The following MRAS variants were observed in gnomAD, a reference collection of about 807,000 sequenced individuals.
The protein encoded by MRAS is ras-related protein M-Ras.
In MRAS, 4 loss-of-function variants were observed where a neutral mutation model predicts 20.9. That is an observed-to-expected ratio of 0.19 (90% CI 0.09 to 0.44). The LOEUF is 0.44. Among genes scored for constraint, MRAS ranks in the 20% least tolerant of loss-of-function variants. MRAS has a pLI of 0.99. For synonymous variants in MRAS, 98 were observed against 102.9 expected, an observed-to-expected ratio of 0.95 and a Z score of 0.29; for missense variants, 154 against 277.5, an observed-to-expected ratio of 0.56 and a Z score of 3.16.
At position 138,365,307 on chromosome 3, in the gene MRAS, G is replaced by A. The variant is rs113285545; in HGVS notation, c.-18-7559G>A. ...GGTGGTTTCTGCATACCTACTCTGAGACTCAGTGCTGGGTCGCAGATGGCT... is the reference window on the plus strand; with the variant it reads ...GGTGGTTTCTGCATACCTACTCTGAAACTCAGTGCTGGGTCGCAGATGGCT... On this transcript the variant is annotated intron_variant, in intron 1 of 5. Coordinates refer to ENST00000423968, the MANE Select transcript of MRAS (RefSeq NM_001085049.3). Among the ~76,000 whole-genome samples the A allele has an allele frequency of 1.2e-4, 18 of 152,356 alleles. 1 individual carries two copies. The highest frequency in any genetic ancestry group is 4.3e-4 in the African/African-American group (18 of 41,582).
At position 138,400,620 on chromosome 3, in the gene MRAS, A is replaced by G. The variant is rs1344874105; in HGVS notation, c.527+7A>G. On this transcript the variant is annotated splice_region_variant and intron_variant, in intron 5 of 5. Coordinates refer to ENST00000423968, the MANE Select transcript of MRAS (RefSeq NM_001085049.3). ...ACCTCGTTAGAGTAATTAGGTGAGCACTGCCCTCTCCCTAGAAGCGGGCCT... is the reference window on the plus strand; with the variant it reads ...ACCTCGTTAGAGTAATTAGGTGAGCGCTGCCCTCTCCCTAGAAGCGGGCCT... 6.2e-7 allele frequency: 1 copy of G among 1,606,222 alleles called. No homozygotes were observed. The highest frequency in any genetic ancestry group is 8.5e-7 in the Non-Finnish European group (1 of 1,172,932).
At position 138,404,158 on chromosome 3, in the gene MRAS, T is replaced by A. The variant is rs1486161588; in HGVS notation, c.*1889T>A. ...ACTAAAAGGACAAAGCTCTTCCCAA[T>A]CCTTATGCTTCCCTAAGTGGTATCT... On this transcript the variant is annotated 3_prime_UTR_variant, in exon 6 of 6. Coordinates refer to ENST00000423968, the MANE Select transcript of MRAS (RefSeq NM_001085049.3). 6.6e-6 allele frequency: 1 copy of A among 152,226 alleles called. No homozygotes were observed. The highest frequency in any genetic ancestry group is 1.5e-5 in the Non-Finnish European group (1 of 68,054). The allele number at this position is 152,226 out of a possible 1,614,324, so 9.4% of individuals were successfully genotyped here.
chr3:138,370,229 G>T (rs2054646930), intron 1 of MRAS, among the ~76,000 whole-genome samples: 1 of 152,218 alleles, frequency 6.6e-6, no homozygotes, highest in Non-Finnish European at 1.5e-5. Context: ...TAAGGCAGGA[G>T]AATCTCTTGA....
chr3:138,377,081 G>A (rs1289523524), intron 2 of MRAS, among the ~76,000 whole-genome samples: 2 of 152,226 alleles, frequency 1.3e-5, no homozygotes, highest in African/African-American at 4.8e-5. Context: ...GCAGCAGGGA[G>A]AGGGGAAACA....
In MRAS at chr3:138,404,137, A is replaced by G. The variant is rs1280372008; in HGVS notation, c.*1868A>G. 6.6e-6 allele frequency: 1 copy of G among 152,240 alleles called. No homozygotes were observed. The highest frequency in any genetic ancestry group is 1.9e-4 in the East Asian group (1 of 5,200). The allele number at this position is 152,240 out of a possible 1,614,324, so 9.4% of individuals were successfully genotyped here. ...GTGTTAAGAGGTATTTTAAACACTAAAAGGACAAAGCTCTTCCCAATCCTT... is the reference window on the plus strand; with the variant it reads ...GTGTTAAGAGGTATTTTAAACACTAGAAGGACAAAGCTCTTCCCAATCCTT... On this transcript the variant is annotated 3_prime_UTR_variant, in exon 6 of 6. Coordinates refer to ENST00000423968, the MANE Select transcript of MRAS (RefSeq NM_001085049.3).
chr3:138,386,823 A>G (rs573526340), intron 2 of MRAS, among the ~76,000 whole-genome samples: 5 of 152,284 alleles, frequency 3.3e-5, no homozygotes, highest in African/African-American at 1.2e-4. Flanking sequence ...GTCAATGGAC[A>G]TTTGGGTTGT....
intron 1 of MRAS, among the ~76,000 whole-genome samples, chr3:138,371,580 A>G (rs879262144): frequency 6.6e-6 from 1 of 151,946 alleles, no homozygotes; most frequent in Admixed American, 6.6e-5. Flanking sequence ...TGCTTTTCCC[A>G]TCCCAATTTG....
At chr3:138,383,801 G>A (rs2054954146) in intron 2 of MRAS, among the ~76,000 whole-genome samples, 1 of 152,212 alleles carries the variant, frequency 6.6e-6, no homozygotes, top group Non-Finnish European at 1.5e-5. Flanking sequence ...TTTTAGTGGG[G>A]TGAGGGGACA....
chr3:138,373,084 C>G lies in MRAS; in HGVS notation c.193+8C>G, dbSNP rs201232759. ...AATGGGCCATCTTGGACGGTGAGACCTGGGTGGCAGCCCTGCATTGGGTGG... is the reference window on the plus strand; with the variant it reads ...AATGGGCCATCTTGGACGGTGAGACGTGGGTGGCAGCCCTGCATTGGGTGG... On this transcript the variant is annotated splice_region_variant and intron_variant, in intron 2 of 5. Transcript: ENST00000423968. The G allele has an allele frequency of 1.1e-5, 16 of 1,451,836 alleles. No homozygotes were observed. The African/African-American group carries it at 1.8e-4, about 16-fold the overall frequency. The allele number at this position is 1,451,836 out of a possible 1,614,324, so 89.9% of individuals were successfully genotyped here.
intron 2 of MRAS, among the ~76,000 whole-genome samples, chr3:138,396,643 G>A (rs145773616): frequency 7.6e-4 from 115 of 152,304 alleles, no homozygotes; most frequent in Admixed American, 3.1e-3. Flanking sequence ...AGTGAGGGGC[G>A]AGAGCACCTG....
chr3:138,373,901 A>G (rs995042389), intron 2 of MRAS, among the ~76,000 whole-genome samples: 62 of 150,552 alleles, frequency 4.1e-4, no homozygotes, highest in African/African-American at 1.3e-3. Flanking sequence ...TTATTTATTT[A>G]TTTGTTTATT....
At chr3:138,381,795 GT>G (rs796568640) in intron 2 of MRAS, among the ~76,000 whole-genome samples, 11 of 152,314 alleles carry the variant, frequency 7.2e-5, no homozygotes, top group African/African-American at 2.6e-4. Flanking sequence ...TCAGACACAA[GT>G]GCTGTTGTCT....
chr3:138,353,319 T>C (rs2054266045), intron 1 of MRAS, among the ~76,000 whole-genome samples: 2 of 152,100 alleles, frequency 1.3e-5, no homozygotes. Context: ...AGTACAATAG[T>C]AGACAAATAT....
chr3:138,397,519 C>T (rs376724711), intron 3 of MRAS, 42 bp downstream of exon 3: 178 of 1,608,110 alleles, frequency 1.1e-4, no homozygotes, highest in Admixed American at 5.4e-4. Context: ...AAGAGGCCTG[C>T]GCCTGCCTCC....
intron 2 of MRAS, among the ~76,000 whole-genome samples, chr3:138,384,294 C>T (rs954401005): frequency 1.3e-4 from 20 of 152,140 alleles, no homozygotes; most frequent in African/African-American, 4.6e-4. Context: ...CTCACTCTGG[C>T]TCTGGTGTGA....
At chr3:138,387,991 T>C (rs1361840831) in intron 2 of MRAS, among the ~76,000 whole-genome samples, 1 of 152,164 alleles carries the variant, frequency 6.6e-6, no homozygotes, top group Non-Finnish European at 1.5e-5. Context: ...GCCAGGGTGT[T>C]GAGGAGGTTG....
At chr3:138,352,385 C>T (rs1247029663) in intron 1 of MRAS, among the ~76,000 whole-genome samples, 2 of 152,226 alleles carry the variant, frequency 1.3e-5, no homozygotes, top group African/African-American at 4.8e-5. Context: ...AGACAGCTTT[C>T]TGCAGGCATT....
intron 1 of MRAS, among the ~76,000 whole-genome samples, chr3:138,371,999 C>T (rs543943716): frequency 6.6e-6 from 1 of 152,276 alleles, no homozygotes; most frequent in South Asian, 2.1e-4. Context: ...TTCCAGCTGC[C>T]TCCTGGTCAC....
At chr3:138,390,869 T>G (rs2055118731) in intron 2 of MRAS, among the ~76,000 whole-genome samples, 1 of 152,264 alleles carries the variant, frequency 6.6e-6, no homozygotes, top group South Asian at 2.1e-4. Flanking sequence ...CTGGAGCCAA[T>G]TTTGATCATT....
Sources: allele counts gnomAD v4.1 joint callset (sites outside exome capture counted in the v4.1 genomes callset), GRCh38; gene constraint gnomAD v4.1.1; transcripts MANE v1.5; gene names NCBI Gene and HGNC (gene_info 2026-07-23, HGNC 2026-07-21).